The following MED13L variants were observed in gnomAD, a reference collection of about 807,000 sequenced individuals.
MED13L encodes mediator complex subunit 13L.
A neutral mutation model predicts 220.9 loss-of-function variants in MED13L; 7 were observed. That is an observed-to-expected ratio of 0.03 (90% CI 0.02 to 0.06). The LOEUF (loss-of-function observed/expected upper bound fraction) is 0.06. MED13L is among the 10% of genes least tolerant of loss of function. MED13L has a pLI of 1.00. For synonymous variants in MED13L, 1,011 were observed against 1,015.2 expected (o/e 1.00, Z 0.08); for missense variants, 1,965 against 2,760.5 (o/e 0.71, Z 6.46).
At chr12:116,248,466 G>C (rs1056684943) in intron 1 of MED13L, among the ~76,000 whole-genome samples, 2 of 151,750 alleles carry the variant, frequency 1.3e-5, no homozygotes, top group African/African-American at 2.4e-5. Context: ...AATATCAAAG[G>C]GCTAATTGAA....
At chr12:116,034,228 C>T (rs965745939) in intron 4 of MED13L, among the ~76,000 whole-genome samples, 2 of 152,076 alleles carry the variant, frequency 1.3e-5, no homozygotes, top group African/African-American at 2.4e-5. Context: ...GGACAGGAAT[C>T]ATATTTTACC....
At chr12:115,961,501 G>A (rs993189247) in intron 30 of MED13L, 103 bp from the exon 31 acceptor site, 9 of 1,485,032 alleles carry the variant, frequency 6.1e-6, no homozygotes, top group Middle Eastern at 4.7e-4. Context: ...AGGTCTCAAA[G>A]GCATTCCTTA....
intron 4 of MED13L, among the ~76,000 whole-genome samples, chr12:116,044,586 T>A (rs1195887197): frequency 6.6e-6 from 1 of 152,206 alleles, no homozygotes; most frequent in Non-Finnish European, 1.5e-5. Flanking sequence ...GGCTAGATTA[T>A]CTCACTGAAG....
At chr12:115,998,237 AT>A (rs1878526873) in intron 14 of MED13L, among the ~76,000 whole-genome samples, 1 of 152,212 alleles carries the variant, frequency 6.6e-6, no homozygotes, top group Admixed American at 6.5e-5. Flanking sequence ...TAGTTGTAAA[AT>A]TTGGCCACTA....
chr12:116,258,114 T>C lies in MED13L; in HGVS notation c.72+18946A>G, dbSNP rs1045784427. On this transcript the variant is annotated intron_variant, in intron 1 of 30. Coordinates refer to ENST00000281928, the MANE Select transcript of MED13L (RefSeq NM_015335.5). ...CGAAAAAGAAAGAGACCAATAATGT[T>C]TGGAATAGCTACGAGGAGCTTCACT... Among the ~76,000 whole-genome samples, 4 of 152,216 alleles carry C rather than the reference T, an allele frequency of 2.6e-5. 1 individual carries two copies. The South Asian group carries it at 8.3e-4, about 31-fold the overall frequency.
At chr12:116,230,902 C>T (rs1869494542) in intron 2 of MED13L, among the ~76,000 whole-genome samples, 2 of 152,212 alleles carry the variant, frequency 1.3e-5, no homozygotes, top group South Asian at 2.1e-4. Flanking sequence ...TATATTCCTA[C>T]ATACATTATT....
At chr12:116,206,051 TAGAG>T (rs1882306609) in intron 2 of MED13L, among the ~76,000 whole-genome samples, 1 of 147,888 alleles carries the variant, frequency 6.8e-6, no homozygotes, top group Admixed American at 6.8e-5. Flanking sequence ...TCAGCGGATA[TAGAG>T]ATACTTAAGT....
intron 2 of MED13L, among the ~76,000 whole-genome samples, chr12:116,213,388 T>C (rs1882821826): frequency 8.4e-6 from 1 of 118,514 alleles, no homozygotes. Flanking sequence ...AAGTTTCTTC[T>C]GGAGTGCAAA....
chr12:116,026,049 AG>A (rs200397276), intron 4 of MED13L, among the ~76,000 whole-genome samples: 30 of 152,040 alleles, frequency 2.0e-4, no homozygotes, highest in African/African-American at 5.8e-4. Context: ...AATAGTAAAA[AG>A]AAAAAGTAAG....
intron 2 of MED13L, among the ~76,000 whole-genome samples, chr12:116,145,613 A>G (rs1877423344): frequency 6.6e-6 from 1 of 152,066 alleles, no homozygotes; most frequent in Non-Finnish European, 1.5e-5. Context: ...CTCCCACCTC[A>G]GCCTCCAAGG....
rs550523634 is a variant in MED13L, at chr12:116,067,001, A to G, written c.479+29668T>C. 2.6e-5 allele frequency among the ~76,000 whole-genome samples: 4 copies of G among 152,318 alleles called. No individual in the cohort carries two copies. The South Asian group carries it at 6.2e-4, about 24-fold the overall frequency. ...CAAAGTAAGAGATTTTAACAACTGA[A>G]GGTGATGAGAAAATGATGAATGTTT... On this transcript the variant is annotated intron_variant, in intron 4 of 30. Coordinates refer to ENST00000281928, the MANE Select transcript of MED13L (RefSeq NM_015335.5).
At chr12:116,062,026 A>G (rs1037304160) in intron 4 of MED13L, among the ~76,000 whole-genome samples, 8 of 137,132 alleles carry the variant, frequency 5.8e-5, no homozygotes, top group South Asian at 4.8e-4. Context: ...AAAAAAAAAA[A>G]GGAAGGAAAA....
Position 116,148,609 on chromosome 12 carries a change from C to CTATATA in MED13L, c.311-37103_311-37098dup, listed in dbSNP as rs3043743. Reference sequence around the variant, plus strand: ...TCTATCTCCATATATATGGAGATATCTATATATATATATATATATATACGG... The same window carrying CTATATA: ...TCTATCTCCATATATATGGAGATATCTATATATATATATATATATATATATATACGG... On this transcript the variant is annotated intron_variant, in intron 2 of 30. Transcript: ENST00000281928. 2.5e-3 allele frequency: 462 copies of CTATATA among 183,300 alleles called. 1 individual carries two copies. Among genetic ancestry groups the CTATATA allele is most frequent in the African/African-American group, 0.01 (407 of 39,164 alleles). 11.4% of individuals were successfully genotyped at this position (183,300 alleles called of 1,614,324 possible).
intron 2 of MED13L, among the ~76,000 whole-genome samples, chr12:116,164,343 C>A (rs1434526225): frequency 1.3e-5 from 2 of 152,124 alleles, no homozygotes; most frequent in Non-Finnish European, 2.9e-5. Context: ...ATCAACAATT[C>A]AACTTCCTCA....
intron 28 of MED13L, among the ~76,000 whole-genome samples, 189 bp from the exon 29 acceptor site, chr12:115,966,432 C>T (rs1019217643): frequency 6.6e-6 from 1 of 152,144 alleles, no homozygotes; most frequent in African/African-American, 2.4e-5. Flanking sequence ...AGAGAAGATA[C>T]CAGCAAAACT....
At chr12:116,097,606 T>G (rs1390287503) in intron 3 of MED13L, among the ~76,000 whole-genome samples, 1 of 152,234 alleles carries the variant, frequency 6.6e-6, no homozygotes, top group Non-Finnish European at 1.5e-5. Flanking sequence ...ATAAAGGACT[T>G]GATTATGGCT....
At chr12:116,019,516 C>T in intron 6 of MED13L, 104 bp from the exon 7 acceptor site, 1 of 1,323,546 alleles carries the variant, frequency 7.6e-7, no homozygotes, top group Non-Finnish European at 1.1e-6. Context: ...TCATGAAGTA[C>T]TGCCAAAAGT....
chr12:116,000,854 C>A (rs1395840759), intron 14 of MED13L, among the ~76,000 whole-genome samples: 3 of 152,056 alleles, frequency 2.0e-5, no homozygotes, highest in African/African-American at 4.8e-5. Context: ...TATCCACTGG[C>A]CACACGTGGC....
intron 1 of MED13L, among the ~76,000 whole-genome samples, chr12:116,251,322 T>C: frequency 7.0e-6 from 1 of 143,568 alleles, no homozygotes; most frequent in African/African-American, 2.5e-5. Context: ...TTTTTTTTTT[T>C]TTTTTTTTTT....
Sources: allele counts gnomAD v4.1 joint callset (sites outside exome capture counted in the v4.1 genomes callset), GRCh38; gene constraint gnomAD v4.1.1; transcripts MANE v1.5; gene names NCBI Gene and HGNC (gene_info 2026-07-23, HGNC 2026-07-21).